LHFPL3: variants seen among roughly 807,000 people sequenced by gnomAD.
LHFPL3 encodes the protein LHFPL tetraspan subfamily member 3 protein.
Under a neutral mutation model 19.3 loss-of-function variants are expected in LHFPL3, and 5 were observed. That is an observed-to-expected ratio of 0.26 (90% CI 0.14 to 0.54). The LOEUF is 0.54. Ranked by LOEUF, LHFPL3 falls within the 20% of genes least tolerant of loss-of-function variation. The pLI is 0.94. For synonymous variants in LHFPL3, 133 were observed against 126.2 expected, an observed-to-expected ratio of 1.05 and a Z score of -0.36; for missense variants, 249 against 307.4, an observed-to-expected ratio of 0.81 and a Z score of 1.42.
At chr7:104,512,792 G>C (rs766767200) in intron 1 of LHFPL3, among the ~76,000 whole-genome samples, 2 of 152,044 alleles carry the variant, frequency 1.3e-5, no homozygotes, top group African/African-American at 2.4e-5. Context: ...GGAAAAGGCA[G>C]CTAGCCAGCT....
chr7:104,597,574 G>A (rs1335808218), intron 1 of LHFPL3, among the ~76,000 whole-genome samples: 1 of 152,050 alleles, frequency 6.6e-6, no homozygotes, highest in Non-Finnish European at 1.5e-5. Context: ...TGGGGGGAGG[G>A]GAATGTGATT....
intron 1 of LHFPL3, among the ~76,000 whole-genome samples, chr7:104,351,598 T>C (rs1790175285): frequency 6.6e-6 from 1 of 152,192 alleles, no homozygotes; most frequent in Admixed American, 6.5e-5. Context: ...GACTAAATCA[T>C]AGTTTAAAAT....
chr7:104,839,028 C>A (rs1432935469), intron 2 of LHFPL3, among the ~76,000 whole-genome samples: 2 of 152,108 alleles, frequency 1.3e-5, no homozygotes, highest in Admixed American at 6.5e-5. Context: ...TATTCTGACC[C>A]CAGAGTAGAT....
At chr7:104,735,568 G>C (rs973875026) in intron 1 of LHFPL3, among the ~76,000 whole-genome samples, 6 of 152,250 alleles carry the variant, frequency 3.9e-5, no homozygotes, top group Admixed American at 1.3e-4. Context: ...CACTGGAAAA[G>C]CGCAGTATTA....
chr7:104,706,384 T>C (rs1793191102), intron 1 of LHFPL3, among the ~76,000 whole-genome samples: 1 of 152,096 alleles, frequency 6.6e-6, no homozygotes, highest in Non-Finnish European at 1.5e-5. Context: ...TCAGCATCCC[T>C]CATATCACTG....
Position 104,699,141 on chromosome 7 carries a change from A to C in LHFPL3, c.446-37534A>C, listed in dbSNP as rs114658186. Reference sequence around the variant, plus strand: ...GTGGAAAATGATACGGTGATTCCTCAAGAAATTAAACACTGAATTACCAGA... The same window carrying C: ...GTGGAAAATGATACGGTGATTCCTCCAGAAATTAAACACTGAATTACCAGA... On this transcript the variant is annotated intron_variant, in intron 1 of 2. Transcript: ENST00000424859. 3.0e-3 allele frequency among the ~76,000 whole-genome samples: 454 copies of C among 152,352 alleles called. 4 individuals are homozygous for C. Among genetic ancestry groups the C allele is most frequent in the African/African-American group, 0.01 (427 of 41,582 alleles).
chr7:104,874,959 G>C (rs1791909327), intron 2 of LHFPL3, among the ~76,000 whole-genome samples: 4 of 151,400 alleles, frequency 2.6e-5, no homozygotes, highest in Admixed American at 2.6e-4. Context: ...TGATCCTCCT[G>C]CCTCAGCCTT....
chr7:104,841,506 G>GTGTGTA (rs1791208115), intron 2 of LHFPL3, among the ~76,000 whole-genome samples: 1 of 151,518 alleles, frequency 6.6e-6, no homozygotes, highest in African/African-American at 2.4e-5. Context: ...GTGTGTGTGT[G>GTGTGTA]TGTGTGTGTG....
intron 1 of LHFPL3, among the ~76,000 whole-genome samples, chr7:104,347,210 A>G (rs1249395958): frequency 6.6e-6 from 1 of 152,176 alleles, no homozygotes; most frequent in Non-Finnish European, 1.5e-5. Context: ...TTGCTCTTCT[A>G]TAAAAACTCC....
At chr7:104,863,933 G>A (rs1791665193) in intron 2 of LHFPL3, among the ~76,000 whole-genome samples, 1 of 152,242 alleles carries the variant, frequency 6.6e-6, no homozygotes, top group Non-Finnish European at 1.5e-5. Flanking sequence ...TACCTGTAAA[G>A]TGGGGGTAAT....
chr7:104,403,670 C>T (rs899163678), intron 1 of LHFPL3, among the ~76,000 whole-genome samples: 9 of 151,966 alleles, frequency 5.9e-5, no homozygotes, highest in Admixed American at 3.9e-4. Flanking sequence ...AAAAGAACTT[C>T]CAGGATCTGG....
At chr7:104,786,046 G>A (rs1398486589) in intron 2 of LHFPL3, among the ~76,000 whole-genome samples, 1 of 152,126 alleles carries the variant, frequency 6.6e-6, no homozygotes, top group Non-Finnish European at 1.5e-5. Context: ...CCTCTGTGTG[G>A]AAAGACCGTC....
chr7:104,400,879 T>G (rs1242131174), intron 1 of LHFPL3, among the ~76,000 whole-genome samples: 1 of 152,230 alleles, frequency 6.6e-6, no homozygotes, highest in Non-Finnish European at 1.5e-5. Flanking sequence ...TACTCCCCAT[T>G]GGGGTAGACA....
intron 1 of LHFPL3, among the ~76,000 whole-genome samples, chr7:104,705,238 T>A (rs1323972739): frequency 6.6e-6 from 1 of 152,212 alleles, no homozygotes; most frequent in Non-Finnish European, 1.5e-5. Context: ...AGAAATTTTC[T>A]TTTTTTAAAA....
At chr7:104,702,173 G>A (rs1334175315) in intron 1 of LHFPL3, among the ~76,000 whole-genome samples, 1 of 152,034 alleles carries the variant, frequency 6.6e-6, no homozygotes, top group African/African-American at 2.4e-5. Context: ...ATGATTTCCA[G>A]CTTCATCCAT....
At chr7:104,470,184 A>G (rs1033072395) in intron 1 of LHFPL3, 13 of 404,862 alleles carry the variant, frequency 3.2e-5, no homozygotes, top group Admixed American at 8.3e-5. Flanking sequence ...CTGGCCACAT[A>G]TTTTCAAAAG....
chr7:104,510,973 G>T (rs918421654), intron 1 of LHFPL3, among the ~76,000 whole-genome samples: 3 of 152,000 alleles, frequency 2.0e-5, no homozygotes, highest in Non-Finnish European at 4.4e-5. Context: ...CCTGGGTGAT[G>T]AAATAATCTG....
intron 2 of LHFPL3, chr7:104,826,673 A>T (rs1177661856): frequency 6.5e-6 from 1 of 153,354 alleles, no homozygotes; most frequent in Admixed American, 6.5e-5. Context: ...ATGGCTGAAG[A>T]CCCATCATGA....
At chr7:104,633,409 AC>A (rs1295826809) in intron 1 of LHFPL3, among the ~76,000 whole-genome samples, 1 of 152,240 alleles carries the variant, frequency 6.6e-6, no homozygotes, top group Non-Finnish European at 1.5e-5. Context: ...TGGAAACTGC[AC>A]AAAACCATAA....
Sources: gnomAD v4.1 joint callset for allele counts (sites outside exome capture counted in the v4.1 genomes callset) on GRCh38, gnomAD v4.1.1 for gene constraint, MANE v1.5 for transcripts, NCBI Gene and HGNC (gene_info 2026-07-23, HGNC 2026-07-21) for gene names.